SYT1: variants seen among roughly 807,000 people sequenced by gnomAD.
SYT1 encodes synaptotagmin-1.
In SYT1, 8 loss-of-function variants were observed where a neutral mutation model predicts 44.8. The observed-to-expected ratio is 0.18, with a 90% confidence interval of 0.10 to 0.32. The LOEUF is 0.32. Ranked by LOEUF, SYT1 falls within the 10% of genes least tolerant of loss-of-function variation. The pLI, the probability that SYT1 is intolerant of heterozygous loss-of-function variation, is 1.00. For synonymous variants in SYT1, 154 were observed against 188.8 expected, an observed-to-expected ratio of 0.82 and a Z score of 1.51; for missense variants, 286 against 509.3, an observed-to-expected ratio of 0.56 and a Z score of 4.22.
chr12:78,914,801 A>G (rs956288965), intron 1 of SYT1, among the ~76,000 whole-genome samples: 1 of 152,034 alleles, frequency 6.6e-6, no homozygotes, highest in Non-Finnish European at 1.5e-5. Flanking sequence ...ATGTATTTTT[A>G]TGTATTAATT....
chr12:79,299,338 A>G (rs2138877456), intron 7 of SYT1, 46 bp from the exon 8 acceptor site: 1 of 1,592,280 alleles, frequency 6.3e-7, no homozygotes, highest in Non-Finnish European at 8.6e-7. Context: ...ACATGTTTTA[A>G]GCATTTTTGT....
At chr12:79,209,777 C>G (rs1261778730) in intron 3 of SYT1, among the ~76,000 whole-genome samples, 2 of 152,122 alleles carry the variant, frequency 1.3e-5, no homozygotes, top group African/African-American at 4.8e-5. Flanking sequence ...TCTACCTATA[C>G]CCACAGCAGA....
Position 79,097,562 on chromosome 12 carries a change from G to A in SYT1, c.-18+50200G>A, listed in dbSNP as rs543600638. Among the ~76,000 whole-genome samples the A allele has an allele frequency of 7.2e-5, 11 of 151,944 alleles. 1 individual carries two copies. In the South Asian group the frequency reaches 2.1e-3, roughly 29 times the overall value. Reference sequence around the variant, plus strand: ...TTCTTATGACTCCCTATAGCAGCTGGTATCACTATAAAATACTGTGTAATC... The same window carrying A: ...TTCTTATGACTCCCTATAGCAGCTGATATCACTATAAAATACTGTGTAATC... On this transcript the variant is annotated intron_variant, in intron 3 of 10. Transcript: ENST00000261205.
intron 1 of SYT1, among the ~76,000 whole-genome samples, chr12:78,922,625 T>C (rs1350869625): frequency 6.6e-6 from 1 of 151,926 alleles, no homozygotes; most frequent in Non-Finnish European, 1.5e-5. Context: ...AGAGCCTCTG[T>C]TGAAAGAGAC....
intron 9 of SYT1, among the ~76,000 whole-genome samples, chr12:79,372,737 T>C (rs1029386513): frequency 6.6e-6 from 1 of 152,210 alleles, no homozygotes; most frequent in African/African-American, 2.4e-5. Context: ...CTAAGTCACC[T>C]TCTTGGTCCA....
intron 3 of SYT1, among the ~76,000 whole-genome samples, chr12:79,163,744 C>T (rs1871089550): frequency 6.6e-6 from 1 of 152,076 alleles, no homozygotes; most frequent in Non-Finnish European, 1.5e-5. Flanking sequence ...CCAATGAATA[C>T]CCTGTGTTCT....
intron 2 of SYT1, among the ~76,000 whole-genome samples, chr12:78,980,527 GAC>G (rs1434935696): frequency 6.6e-6 from 1 of 152,048 alleles, no homozygotes; most frequent in African/African-American, 2.4e-5. Context: ...TTAGATTATG[GAC>G]AGACTACTTT....
intron 2 of SYT1, among the ~76,000 whole-genome samples, chr12:79,044,656 T>C (rs1320184817): frequency 1.3e-5 from 2 of 150,400 alleles, no homozygotes; most frequent in Non-Finnish European, 3.0e-5. Context: ...TCCAGCTTTG[T>C]TCCGTTGCTG....
At chr12:79,403,524 A>G (rs528755098) in intron 9 of SYT1, among the ~76,000 whole-genome samples, 1 of 152,282 alleles carries the variant, frequency 6.6e-6, no homozygotes, top group Non-Finnish European at 1.5e-5. Context: ...TTACTTCTTT[A>G]AAGACATTGT....
chr12:79,233,681 T>TG (rs1289810251), intron 4 of SYT1, among the ~76,000 whole-genome samples: 1 of 152,326 alleles, frequency 6.6e-6, no homozygotes, highest in East Asian at 1.9e-4. Flanking sequence ...GTGGCTCTAA[T>TG]GCGATTTACC....
chr12:79,270,433 A>G (rs1878359719), intron 4 of SYT1, among the ~76,000 whole-genome samples: 1 of 152,204 alleles, frequency 6.6e-6, no homozygotes, highest in African/African-American at 2.4e-5. Context: ...TGTGGTGACC[A>G]TAGCAATGGT....
intron 3 of SYT1, among the ~76,000 whole-genome samples, chr12:79,179,321 G>GAC (rs1555204828): frequency 4.1e-5 from 1 of 24,642 alleles, no homozygotes; most frequent in Non-Finnish European, 7.1e-5. Flanking sequence ...TATAGATATA[G>GAC]ATATAGATAT....
chr12:79,074,518 T>C (rs1876503597), intron 3 of SYT1, among the ~76,000 whole-genome samples: 1 of 152,170 alleles, frequency 6.6e-6, no homozygotes, highest in South Asian at 2.1e-4. Flanking sequence ...AAAATCTACT[T>C]GTTCTCTGAT....
chr12:79,443,100 A>T (rs775569403), intron 9 of SYT1, among the ~76,000 whole-genome samples: 5 of 152,144 alleles, frequency 3.3e-5, no homozygotes, highest in Non-Finnish European at 7.3e-5. Context: ...CTCTCCAGTG[A>T]CTTATTAATC....
intron 3 of SYT1, among the ~76,000 whole-genome samples, chr12:79,055,833 A>C (rs1874891782): frequency 6.6e-6 from 1 of 151,950 alleles, no homozygotes; most frequent in Admixed American, 6.6e-5. Flanking sequence ...TTTCAAATTT[A>C]TTTATTTATT....
intron 1 of SYT1, among the ~76,000 whole-genome samples, chr12:78,947,697 G>T (rs1180531476): frequency 6.6e-6 from 1 of 151,532 alleles, no homozygotes; most frequent in African/African-American, 2.4e-5. Flanking sequence ...GTTTGGTTTT[G>T]TTCCTATGTT....
Position 79,292,137 on chromosome 12 carries a change from A to G in SYT1, c.474+7A>G, listed in dbSNP as rs1002790049. On this transcript the variant is annotated splice_region_variant and intron_variant, in intron 6 of 10. Coordinates refer to ENST00000261205, the MANE Select transcript of SYT1 (RefSeq NM_005639.3). ...TGATTTCCAAAATAACCAGGTCTGA[A>G]GTGGAGAAATGTCTTCTAATTCCAT... 1.2e-6 allele frequency: 2 copies of G among 1,609,906 alleles called. No individual in the cohort carries two copies. Among genetic ancestry groups the G allele is most frequent in the Non-Finnish European group, 1.7e-6 (2 of 1,178,892 alleles).
chr12:79,449,193 T>G lies in SYT1; in HGVS notation c.*69T>G, dbSNP rs1870904539. 2.1e-6 allele frequency: 3 copies of G among 1,446,828 alleles called. No homozygotes were observed. In the South Asian group the frequency reaches 3.7e-5, roughly 18 times the overall value. 89.6% of individuals were successfully genotyped at this position (1,446,828 alleles called of 1,614,324 possible). ...TAGCCAGTATCTGTAAATACCTCAG[T>G]AATATGGGTCCTTTCATTTTTCCAG... On this transcript the variant is annotated 3_prime_UTR_variant, in exon 11 of 11. Transcript: ENST00000261205.
At chr12:79,229,787 G>A (rs1875753940) in intron 4 of SYT1, among the ~76,000 whole-genome samples, 1 of 151,818 alleles carries the variant, frequency 6.6e-6, no homozygotes, top group Non-Finnish European at 1.5e-5. Flanking sequence ...TAGAGACGGG[G>A]TTTCATCATA....
Sources: gnomAD v4.1 joint callset for allele counts (sites outside exome capture counted in the v4.1 genomes callset) on GRCh38, gnomAD v4.1.1 for gene constraint, MANE v1.5 for transcripts, NCBI Gene and HGNC (gene_info 2026-07-23, HGNC 2026-07-21) for gene names.